Variants in DDX10 observed in about 807,000 individuals in gnomAD.
DDX10 encodes the protein probable ATP-dependent RNA helicase DDX10.
Under a neutral mutation model 104.3 loss-of-function variants are expected in DDX10, and 74 were observed. The observed-to-expected ratio is 0.71, with a 90% CI of 0.59 to 0.86. The LOEUF is 0.86. DDX10 is among the 40% of genes least tolerant of loss of function. The pLI is 0.00. For missense variants in DDX10, 952 were observed against 1,040.0 expected (o/e 0.92, Z 1.16); for synonymous variants, 351 against 353.4 (o/e 0.99, Z 0.08).
Position 108,910,113 on chromosome 11 carries a change from GGAAA to G in DDX10, c.2305-7758_2305-7755del, listed in dbSNP as rs1185832632. On this transcript the variant is annotated intron_variant, in intron 16 of 17. Coordinates refer to ENST00000322536, the MANE Select transcript of DDX10 (RefSeq NM_004398.4). ...AAAAAGGCTTGGGGGCCAAGGATAAGGAAAGTGGAGATTACCACATGTAAGGTAT... is the reference window on the plus strand; with the variant it reads ...AAAAAGGCTTGGGGGCCAAGGATAAGGTGGAGATTACCACATGTAAGGTAT... 9.1e-4 allele frequency among the ~76,000 whole-genome samples: 136 copies of G among 150,122 alleles called. 1 individual carries two copies. Among genetic ancestry groups the G allele is most frequent in the African/African-American group, 3.2e-3 (133 of 41,014 alleles).
intron 16 of DDX10, among the ~76,000 whole-genome samples, chr11:108,909,938 A>T (rs1435715662): frequency 6.6e-6 from 1 of 152,220 alleles, no homozygotes; most frequent in Non-Finnish European, 1.5e-5. Context: ...AACGTGTTGT[A>T]AACAGGTGTC....
intron 13 of DDX10, among the ~76,000 whole-genome samples, chr11:108,784,517 C>CTTTGCCCA (rs1861760438): frequency 6.6e-6 from 1 of 152,056 alleles, no homozygotes; most frequent in African/African-American, 2.4e-5. Flanking sequence ...CAGAGTAGCT[C>CTTTGCCCA]TTTGCCCATT....
At position 108,723,198 on chromosome 11, in the gene DDX10, AG is replaced by A; in HGVS notation, c.1704del (p.Thr569GlnfsTer68). 1 of 1,613,844 alleles carries A rather than the reference AG, an allele frequency of 6.2e-7. No homozygotes were observed. ...TTCAAAAAGGTGGAAAAAGACTCGA[AG>A]GGACAGAGCACAGACAGGATAATGA... ...ILQKGGKRLE[G>X]TEHRQDNDTG... On this transcript the variant is annotated frameshift_variant, in exon 13 of 18. Coordinates refer to ENST00000322536, the MANE Select transcript of DDX10 (RefSeq NM_004398.4). LOFTEE classifies it high-confidence loss of function.
At chr11:108,870,891 T>G (rs1310851862) in intron 16 of DDX10, among the ~76,000 whole-genome samples, 2 of 152,212 alleles carry the variant, frequency 1.3e-5, no homozygotes, top group Non-Finnish European at 2.9e-5. Context: ...AAAGAAGCAG[T>G]AACTCTTTAA....
chr11:108,791,287 G>T (rs917964991), intron 13 of DDX10, among the ~76,000 whole-genome samples: 1 of 152,246 alleles, frequency 6.6e-6, no homozygotes, highest in Non-Finnish European at 1.5e-5. Flanking sequence ...GATCTGAGAA[G>T]TGGATCCTTC....
intron 13 of DDX10, among the ~76,000 whole-genome samples, chr11:108,772,522 A>G (rs2094364567): frequency 6.6e-6 from 1 of 152,218 alleles, no homozygotes; most frequent in Non-Finnish European, 1.5e-5. Context: ...GTTCTCCCCT[A>G]GTAGCCATTG....
Position 108,723,123 on chromosome 11 carries a change from T to G in DDX10, c.1626T>G (p.Asn542Lys). 6.2e-7 allele frequency: 1 copy of G among 1,613,802 alleles called. No homozygotes were observed. The highest frequency in any genetic ancestry group is 8.5e-7 in the Non-Finnish European group (1 of 1,179,852). Residue 542 changes from asparagine to lysine, a missense_variant, in exon 13 of 18, where the codon AAT becomes AAG. Physicochemically the swap from Asn to Lys is moderately conservative, Grantham distance 94. Around this residue, in one of 3 missense-constraint regions of DDX10, gnomAD observed 533 missense variants for 534.1 expected, o/e 1.00. Transcript: ENST00000322536. ...VIEPRAPSLT[N>K]DEVEEFRAYF... ...AGCCAAGGGCTCCCTCCCTCACCAA[T>G]GACGAAGTGGAAGAATTTAGAGCCT...
At chr11:108,838,591 C>T in intron 14 of DDX10, 26 bp downstream of exon 14, 1 of 1,593,934 alleles carries the variant, frequency 6.3e-7, no homozygotes, top group South Asian at 1.1e-5. Context: ...TGTTTCATTT[C>T]TGAGGTGCAT....
intron 13 of DDX10, among the ~76,000 whole-genome samples, chr11:108,753,788 G>A (rs1186333692): frequency 2.0e-5 from 3 of 151,950 alleles, no homozygotes; most frequent in African/African-American, 7.2e-5. Context: ...TTACATGAGT[G>A]AGTTTCATTT....
At chr11:108,807,187 G>A (rs1259733782) in intron 13 of DDX10, among the ~76,000 whole-genome samples, 1 of 152,134 alleles carries the variant, frequency 6.6e-6, no homozygotes, top group Admixed American at 6.5e-5. Context: ...AATCCAGTAT[G>A]CCTCCTAAGT....
rs1311167015 is a variant in DDX10 at position 108,691,948 on chromosome 11, C to G, written c.1048C>G (p.Gln350Glu). Residue 350 changes from glutamine to glutamate, a missense_variant, in exon 8 of 18, where the codon CAG becomes GAG. Coordinates refer to ENST00000322536, the MANE Select transcript of DDX10 (RefSeq NM_004398.4). ...TATCCTTGCACTCCATGGTCGACAG[C>G]AGCAAATGAGAAGAATGGAAGTCTA... is the stretch of plus-strand genomic sequence containing the variant. The part of the protein sequence containing the change: ...VSILALHGRQ[Q>E]QMRRMEVYNE... 1 of 1,614,060 alleles carries G rather than the reference C, an allele frequency of 6.2e-7. No homozygotes were observed. The highest frequency in any genetic ancestry group is 1.7e-5 in the Admixed American group (1 of 60,018).
At chr11:108,762,726 A>C (rs796629086) in intron 13 of DDX10, among the ~76,000 whole-genome samples, 10 of 152,238 alleles carry the variant, frequency 6.6e-5, no homozygotes, top group African/African-American at 2.4e-4. Context: ...CATGGTCTCA[A>C]AGTTTTTTCA....
At chr11:108,784,938 T>C (rs1223862609) in intron 13 of DDX10, among the ~76,000 whole-genome samples, 1 of 152,228 alleles carries the variant, frequency 6.6e-6, no homozygotes, top group Non-Finnish European at 1.5e-5. Flanking sequence ...TATCATTTAT[T>C]GAATAAGGAG....
At chr11:108,897,701 G>T (rs1863459405) in intron 16 of DDX10, among the ~76,000 whole-genome samples, 1 of 151,446 alleles carries the variant, frequency 6.6e-6, no homozygotes, top group South Asian at 2.1e-4. Context: ...TTTTTTTTAA[G>T]AGACAGTCTA....
intron 13 of DDX10, among the ~76,000 whole-genome samples, chr11:108,785,983 C>T (rs1267457461): frequency 1.8e-4 from 27 of 152,090 alleles, no homozygotes; most frequent in Admixed American, 1.8e-3. Context: ...GCATTTAGTG[C>T]TATAAACTTT....
intron 16 of DDX10, among the ~76,000 whole-genome samples, chr11:108,902,512 T>C (rs938107612): frequency 1.3e-5 from 2 of 152,192 alleles, no homozygotes; most frequent in African/African-American, 4.8e-5. Context: ...AAATCTCAGT[T>C]TTCAAATCTG....
At chr11:108,785,813 T>A (rs1184935221) in intron 13 of DDX10, among the ~76,000 whole-genome samples, 1 of 152,164 alleles carries the variant, frequency 6.6e-6, no homozygotes, top group East Asian at 1.9e-4. Context: ...GATCTTCTGT[T>A]TTTTGTTGTT....
intron 16 of DDX10, among the ~76,000 whole-genome samples, chr11:108,853,107 A>G (rs1268083142): frequency 6.6e-6 from 1 of 152,158 alleles, no homozygotes; most frequent in Non-Finnish European, 1.5e-5. Flanking sequence ...TGCTTATATT[A>G]AATATAAGCA....
intron 16 of DDX10, among the ~76,000 whole-genome samples, chr11:108,891,303 T>C (rs2134640017): frequency 6.6e-6 from 1 of 152,254 alleles, no homozygotes; most frequent in South Asian, 2.1e-4. Flanking sequence ...CCAACTTTCT[T>C]CCAGACCCTT....
Sources: allele counts gnomAD v4.1 joint callset (sites outside exome capture counted in the v4.1 genomes callset), GRCh38; gene constraint gnomAD v4.1.1; regional missense constraint gnomAD v4.1.1; transcripts MANE v1.5; gene names NCBI Gene and HGNC (gene_info 2026-07-23, HGNC 2026-07-21).